Variants in CHST11 observed in about 807,000 individuals in gnomAD.
CHST11 encodes the protein carbohydrate sulfotransferase 11.
In CHST11, 9 loss-of-function variants were observed where a neutral mutation model predicts 30.4. The observed-to-expected ratio is 0.30, with a 90% CI of 0.18 to 0.52. The LOEUF is 0.52. CHST11 is among the 20% of genes least tolerant of loss of function. The probability of loss-of-function intolerance (pLI) is 0.97; values close to 1 mark genes in which losing one functional copy is unlikely to be tolerated. For synonymous variants in CHST11, 152 were observed against 187.8 expected (o/e 0.81, Z 1.56); for missense variants, 348 against 460.6 (o/e 0.76, Z 2.24).
intron 2 of CHST11, among the ~76,000 whole-genome samples, chr12:104,619,915 G>A (rs544478690): frequency 2.6e-5 from 4 of 152,268 alleles, no homozygotes; most frequent in South Asian, 4.2e-4. Flanking sequence ...TAATCTTTGC[G>A]AAGGACCAAA....
chr12:104,745,250 G>T (rs746083070), intron 2 of CHST11, among the ~76,000 whole-genome samples: 4 of 152,162 alleles, frequency 2.6e-5, no homozygotes, highest in Non-Finnish European at 5.9e-5. Context: ...TCAGATAGTT[G>T]TAGGTGTGTG....
rs2037361206 is a variant in CHST11, at chr12:104,457,327, G to A, written c.-85G>A. 2 of 924,284 alleles carry A rather than the reference G, an allele frequency of 2.2e-6. No homozygotes were observed. Among genetic ancestry groups the A allele is most frequent in the East Asian group, 5.1e-5 (2 of 38,916 alleles). The allele number at this position is 924,284 out of a possible 1,614,324, so 57.3% of individuals were successfully genotyped here. On this transcript the variant is annotated 5_prime_UTR_variant, in exon 1 of 3. Coordinates refer to ENST00000303694, the MANE Select transcript of CHST11 (RefSeq NM_018413.6). ...CTCAGCTCTGCCCCGCGCCTCCCGGGCTCCGGTCCGCGCGGCGGGGTCCCT... is the reference window on the plus strand; with the variant it reads ...CTCAGCTCTGCCCCGCGCCTCCCGGACTCCGGTCCGCGCGGCGGGGTCCCT...
chr12:104,658,758 A>G lies in CHST11; in HGVS notation c.204+56767A>G, dbSNP rs1347075161. 2.0e-5 allele frequency among the ~76,000 whole-genome samples: 3 copies of G among 152,116 alleles called. No homozygotes were observed. In the East Asian group the frequency reaches 5.8e-4, roughly 29 times the overall value. ...TCCATAATAATGATAACTACTCCTT[A>G]GTAGTTGCTTCTTAGGTGCCAAGCA... is the stretch of plus-strand genomic sequence containing the variant. On this transcript the variant is annotated intron_variant, in intron 2 of 2. Transcript: ENST00000303694.
At position 104,758,158 on chromosome 12, in the gene CHST11, C is replaced by G. The variant is rs2136150677; in HGVS notation, c.*355C>G. ...TTTTGTGGCAGCAAAATTCTAACATCTTTCCAGAAGAAATCTATGATTCCT... is the reference window on the plus strand; with the variant it reads ...TTTTGTGGCAGCAAAATTCTAACATGTTTCCAGAAGAAATCTATGATTCCT... On this transcript the variant is annotated 3_prime_UTR_variant, in exon 3 of 3. Coordinates refer to ENST00000303694, the MANE Select transcript of CHST11 (RefSeq NM_018413.6). 5.6e-6 allele frequency: 1 copy of G among 177,286 alleles called. No individual in the cohort carries two copies. The highest frequency in any genetic ancestry group is 1.6e-4 in the East Asian group (1 of 6,066). 11.0% of individuals were successfully genotyped at this position (177,286 alleles called of 1,614,324 possible). A position where few individuals can be genotyped will look rare whatever the true frequency, so the allele number is the denominator to read the frequency against.
chr12:104,735,272 G>A (rs912198697), intron 2 of CHST11, among the ~76,000 whole-genome samples: 11 of 152,056 alleles, frequency 7.2e-5, no homozygotes, highest in East Asian at 3.8e-4. Flanking sequence ...AATATAATAC[G>A]TCTCTACCTT....
intron 1 of CHST11, chr12:104,553,459 G>A (rs919258087): frequency 2.0e-5 from 3 of 152,340 alleles, no homozygotes; most frequent in African/African-American, 7.2e-5. Flanking sequence ...AGGTTTAATT[G>A]ACCTACAGTT....
At chr12:104,558,414 T>C (rs552330924) in intron 1 of CHST11, among the ~76,000 whole-genome samples, 2 of 152,308 alleles carry the variant, frequency 1.3e-5, no homozygotes, top group Admixed American at 1.3e-4. Flanking sequence ...ATGATGTTCA[T>C]CTGAATTGTA....
chr12:104,590,195 G>A (rs1182743852), intron 1 of CHST11, among the ~76,000 whole-genome samples: 1 of 152,038 alleles, frequency 6.6e-6, no homozygotes, highest in Non-Finnish European at 1.5e-5. Context: ...CTGTCTATGT[G>A]CGCACCTGTT....
intron 1 of CHST11, among the ~76,000 whole-genome samples, chr12:104,544,138 A>AAAAG (rs59116085): frequency 0.062 from 4,439 of 71,524 alleles, 248 homozygotes; most frequent in East Asian, 0.3. Context: ...AAAAAAAAAA[A>AAAAG]AAAGAAAGAA....
intron 1 of CHST11, among the ~76,000 whole-genome samples, chr12:104,556,608 C>T (rs768991232): frequency 6.6e-6 from 1 of 152,138 alleles, no homozygotes; most frequent in Non-Finnish European, 1.5e-5. Context: ...GGCTCTGCCT[C>T]TATCCTCACC....
At chr12:104,657,894 G>A (rs1426411676) in intron 2 of CHST11, among the ~76,000 whole-genome samples, 1 of 152,180 alleles carries the variant, frequency 6.6e-6, no homozygotes, top group Non-Finnish European at 1.5e-5. Context: ...GTCCAAGGCA[G>A]CCTGGACCCG....
intron 2 of CHST11, among the ~76,000 whole-genome samples, chr12:104,734,467 C>T (rs1592865104): frequency 6.6e-6 from 1 of 152,138 alleles, no homozygotes; most frequent in African/African-American, 2.4e-5. Context: ...GTCAGCTTGC[C>T]CAAGGCTGTG....
At position 104,676,653 on chromosome 12, in the gene CHST11, T is replaced by A. The variant is rs2039745477; in HGVS notation, c.204+74662T>A. Reference sequence around the variant, plus strand: ...TGGTCTCGATCTCCTGACCTTGTGATCGGCCTCCCAAAGTGTTGGGATTAC... The same window carrying A: ...TGGTCTCGATCTCCTGACCTTGTGAACGGCCTCCCAAAGTGTTGGGATTAC... On this transcript the variant is annotated intron_variant, in intron 2 of 2. Transcript: ENST00000303694. The surrounding 1 kb of genome is among the most constrained non-coding windows in gnomAD (Gnocchi z 4.4). Among the ~76,000 whole-genome samples the A allele has an allele frequency of 6.6e-6, 1 of 152,184 alleles. No homozygotes were observed. Among genetic ancestry groups the A allele is most frequent in the Admixed American group, 6.5e-5 (1 of 15,280 alleles).
At chr12:104,489,519 G>T (rs555698695) in intron 1 of CHST11, among the ~76,000 whole-genome samples, 1 of 149,762 alleles carries the variant, frequency 6.7e-6, no homozygotes, top group East Asian at 2.0e-4. Flanking sequence ...TCACTCTGTC[G>T]CCAGGCTGGA....
chr12:104,678,886 G>A (rs2039767364), intron 2 of CHST11, among the ~76,000 whole-genome samples: 1 of 152,134 alleles, frequency 6.6e-6, no homozygotes. Flanking sequence ...CATTCAGTTT[G>A]TGAAACAGAC....
chr12:104,477,834 C>T (rs2037578317), intron 1 of CHST11, among the ~76,000 whole-genome samples: 1 of 152,214 alleles, frequency 6.6e-6, no homozygotes, highest in Non-Finnish European at 1.5e-5. Context: ...GGAAAATGAA[C>T]AATTGCTCTG....
At chr12:104,703,965 G>T (rs750316176) in intron 2 of CHST11, among the ~76,000 whole-genome samples, 1 of 152,198 alleles carries the variant, frequency 6.6e-6, no homozygotes, top group Non-Finnish European at 1.5e-5. Context: ...AGTTACGACC[G>T]GGTTCTTGTA....
At chr12:104,545,412 T>C (rs2038337426) in intron 1 of CHST11, among the ~76,000 whole-genome samples, 1 of 152,254 alleles carries the variant, frequency 6.6e-6, no homozygotes, top group Non-Finnish European at 1.5e-5. Context: ...AGAATGGATG[T>C]GGACTGTGTT....
At chr12:104,533,959 AC>A (rs2038211390) in intron 1 of CHST11, among the ~76,000 whole-genome samples, 1 of 152,192 alleles carries the variant, frequency 6.6e-6, no homozygotes. Context: ...ACTAAAATTT[AC>A]CCCCATCCCC....
Sources: allele counts gnomAD v4.1 joint callset (sites outside exome capture counted in the v4.1 genomes callset), GRCh38; gene constraint gnomAD v4.1.1; non-coding constraint Gnocchi (gnomAD v3.1); transcripts MANE v1.5; gene names NCBI Gene and HGNC (gene_info 2026-07-23, HGNC 2026-07-21).